The following NLGN1 variants were observed in gnomAD, a reference collection of about 807,000 sequenced individuals.
NLGN1 encodes the protein neuroligin 1.
Under a neutral mutation model 65.5 loss-of-function variants are expected in NLGN1, and 12 were observed. That is an observed-to-expected ratio of 0.18 (90% confidence interval 0.12 to 0.30). The LOEUF (loss-of-function observed/expected upper bound fraction) is 0.30. Among genes scored for constraint, NLGN1 ranks in the 10% least tolerant of loss-of-function variants. The pLI, the probability that NLGN1 is intolerant of heterozygous loss-of-function variation, is 1.00. For missense variants in NLGN1, 750 were observed against 1,007.1 expected, an observed-to-expected ratio of 0.74 and a Z score of 3.46; for synonymous variants, 350 against 359.5, an observed-to-expected ratio of 0.97 and a Z score of 0.30.
At chr3:173,901,147 C>CA (rs34447265) in intron 4 of NLGN1, among the ~76,000 whole-genome samples, 1 of 151,506 alleles carries the variant, frequency 6.6e-6, no homozygotes, top group Non-Finnish European at 1.5e-5. Flanking sequence ...TCTCACCTTC[C>CA]AAAAAAATCC....
At chr3:174,163,649 A>G (rs1726981171) in intron 4 of NLGN1, among the ~76,000 whole-genome samples, 2 of 151,826 alleles carry the variant, frequency 1.3e-5, no homozygotes, top group African/African-American at 4.8e-5. Flanking sequence ...AGTACCTGAT[A>G]TTTTGCTTCC....
intron 4 of NLGN1, among the ~76,000 whole-genome samples, chr3:173,830,245 A>T (rs7636296): frequency 0.18 from 27,287 of 152,088 alleles, 2,962 homozygotes; most frequent in African/African-American, 0.3. Context: ...AACTTATGAC[A>T]TTCAAGTGTA....
intron 4 of NLGN1, among the ~76,000 whole-genome samples, chr3:174,025,746 A>G (rs562433846): frequency 1.3e-5 from 2 of 152,296 alleles, no homozygotes; most frequent in African/African-American, 2.4e-5. Context: ...AACACTATGC[A>G]CTGTTGATAG....
intron 4 of NLGN1, among the ~76,000 whole-genome samples, chr3:173,974,662 G>A (rs1405301615): frequency 7.9e-5 from 12 of 152,146 alleles, no homozygotes; most frequent in Admixed American, 1.3e-4. Context: ...GTGCTTCAAA[G>A]AAAGCTTTAA....
intron 4 of NLGN1, among the ~76,000 whole-genome samples, chr3:174,066,008 T>C (rs1738468792): frequency 6.6e-6 from 1 of 152,184 alleles, no homozygotes; most frequent in Non-Finnish European, 1.5e-5. Flanking sequence ...ATAAATATAA[T>C]TGAAGTTTTG....
chr3:173,754,339 G>A (rs562465342), intron 3 of NLGN1, among the ~76,000 whole-genome samples: 4 of 152,124 alleles, frequency 2.6e-5, no homozygotes, highest in Admixed American at 6.5e-5. Flanking sequence ...ACTGTGCCTG[G>A]ACTTCAAGTG....
chr3:173,470,836 A>G (rs778880022), intron 2 of NLGN1, among the ~76,000 whole-genome samples: 16 of 152,128 alleles, frequency 1.1e-4, no homozygotes, highest in Non-Finnish European at 1.8e-4. Flanking sequence ...TCATATCTCC[A>G]GCCTTGCTGT....
intron 3 of NLGN1, among the ~76,000 whole-genome samples, chr3:173,781,186 A>G (rs1781100475): frequency 6.7e-6 from 1 of 149,528 alleles, no homozygotes; most frequent in Non-Finnish European, 1.5e-5. Flanking sequence ...TAAGTGAAAA[A>G]GTAAAAATCC....
intron 3 of NLGN1, among the ~76,000 whole-genome samples, chr3:173,737,824 A>G (rs754963335): frequency 6.6e-6 from 1 of 152,062 alleles, no homozygotes; most frequent in Non-Finnish European, 1.5e-5. Flanking sequence ...ACTTTGAGGT[A>G]CCAACAGACT....
intron 3 of NLGN1, among the ~76,000 whole-genome samples, chr3:173,766,483 T>C (rs1397163513): frequency 1.3e-5 from 2 of 152,158 alleles, no homozygotes; most frequent in East Asian, 3.8e-4. Context: ...ATATTAATTG[T>C]TATACTAGTA....
chr3:173,863,539 G>A (rs940991228), intron 4 of NLGN1, among the ~76,000 whole-genome samples: 13 of 152,158 alleles, frequency 8.5e-5, no homozygotes, highest in African/African-American at 3.1e-4. Context: ...TGCACTAAAA[G>A]TTGTGTCAAT....
At chr3:173,649,663 A>G (rs7637303) in intron 3 of NLGN1, among the ~76,000 whole-genome samples, 8,381 of 152,166 alleles carry the variant, frequency 0.055, 578 homozygotes, top group African/African-American at 0.15. Flanking sequence ...ATCTCACAAC[A>G]CACAGGCAAC....
downstream of NLGN1, among the ~76,000 whole-genome samples, chr3:174,290,578 T>C (rs1250742451): frequency 6.6e-6 from 1 of 151,066 alleles, no homozygotes; most frequent in Non-Finnish European, 1.5e-5. Flanking sequence ...CAAGTTAAAA[T>C]TAAAATGTTA....
chr3:174,114,607 G>C (rs140013997), intron 4 of NLGN1, among the ~76,000 whole-genome samples: 2 of 152,080 alleles, frequency 1.3e-5, no homozygotes, highest in Admixed American at 1.3e-4. Flanking sequence ...TCTTTTTTCA[G>C]TATGTTTCCT....
rs957760374 is a variant in NLGN1, at chr3:173,466,435, A to G, written c.-321+31357A>G. 3.9e-5 allele frequency among the ~76,000 whole-genome samples: 6 copies of G among 152,288 alleles called. No individual in the cohort carries two copies. In the East Asian group the frequency reaches 5.8e-4, roughly 15 times the overall value. On this transcript the variant is annotated intron_variant, in intron 2 of 6. Coordinates refer to ENST00000457714, the Ensembl canonical transcript of NLGN1. The stretch of plus-strand genomic sequence containing the variant: ...TGTAAATATTCCTGTACTGTAGCCA[A>G]TTTCTAGCTACCAAGATAATACCAC...
chr3:173,443,519 GTAAA>G (rs1259564570), intron 2 of NLGN1, among the ~76,000 whole-genome samples: 4 of 151,810 alleles, frequency 2.6e-5, no homozygotes, highest in African/African-American at 9.7e-5. Flanking sequence ...GGAAAAAGAA[GTAAA>G]TAAACATATA....
At chr3:174,024,584 A>G (rs1728470071) in intron 4 of NLGN1, among the ~76,000 whole-genome samples, 2 of 152,116 alleles carry the variant, frequency 1.3e-5, no homozygotes, top group Admixed American at 1.3e-4. Context: ...CCTCTGTAGA[A>G]CTCATCCAAG....
chr3:173,833,487 A>G (rs965514788), intron 4 of NLGN1, among the ~76,000 whole-genome samples: 3 of 151,988 alleles, frequency 2.0e-5, no homozygotes, highest in Non-Finnish European at 2.9e-5. Flanking sequence ...TGCATGCTGC[A>G]AGTAGTCATA....
chr3:173,625,629 T>C (rs1276223208), intron 3 of NLGN1, among the ~76,000 whole-genome samples: 3 of 152,164 alleles, frequency 2.0e-5, no homozygotes, highest in Admixed American at 6.6e-5. Flanking sequence ...AACTTTTATG[T>C]ACTAGTTATA....
Sources: gnomAD v4.1 joint callset for allele counts (sites outside exome capture counted in the v4.1 genomes callset) on GRCh38, gnomAD v4.1.1 for gene constraint, MANE v1.5 for transcripts, NCBI Gene and HGNC (gene_info 2026-07-23, HGNC 2026-07-21) for gene names.